The following MYCBP2 variants were observed in gnomAD, a reference collection of about 807,000 sequenced individuals.
MYCBP2 encodes MYC binding protein 2, also known as E3 ubiquitin-protein ligase MYCBP2.
Under a neutral mutation model 525.3 loss-of-function variants are expected in MYCBP2, and 120 were observed. The ratio of observed to expected loss-of-function variants is 0.23; its 90% CI spans 0.20 to 0.27. MYCBP2 has a LOEUF of 0.27. Among genes scored for constraint, MYCBP2 ranks in the 10% least tolerant of loss-of-function variants. MYCBP2 has a pLI of 1.00. For synonymous variants in MYCBP2, 1,894 were observed against 1,955.8 expected, an observed-to-expected ratio of 0.97 and a Z score of 0.83; for missense variants, 4,149 against 5,657.1, an observed-to-expected ratio of 0.73 and a Z score of 8.55.
chr13:77,081,748 G>T lies in MYCBP2; in HGVS notation c.11193+89C>A. The T allele has an allele frequency of 6.5e-7, 1 of 1,529,068 alleles. No individual in the cohort carries two copies. The highest frequency in any genetic ancestry group is 8.8e-7 in the Non-Finnish European group (1 of 1,132,512). 94.7% of individuals were successfully genotyped at this position (1,529,068 alleles called of 1,614,324 possible). A position where few individuals can be genotyped will look rare whatever the true frequency, so the allele number is the denominator to read the frequency against. On this transcript the variant is annotated intron_variant, in intron 64 of 82. Transcript: ENST00000544440. This position sits in a 1 kb window ranked among gnomAD's most constrained non-coding sequence, Gnocchi z 4.6. ...TAAGATAAAACATAATGGAAGACAG[G>T]ATCAAATTGATTATGAATAACTTAC...
chr13:77,144,324 A>T (rs2055174768), intron 49 of MYCBP2, 121 bp downstream of exon 49: 3 of 674,618 alleles, frequency 4.4e-6, no homozygotes, highest in South Asian at 1.8e-5. Flanking sequence ...CAAGGCCTCA[A>T]ATAAGTTATG....
intron 1 of MYCBP2, among the ~76,000 whole-genome samples, chr13:77,322,329 T>C (rs1207390763): frequency 6.6e-6 from 1 of 152,156 alleles, no homozygotes; most frequent in Non-Finnish European, 1.5e-5. Context: ...CCTCTATTGT[T>C]TTCACTAACA....
At chr13:77,176,986 C>A (rs2059766199) in intron 35 of MYCBP2, among the ~76,000 whole-genome samples, 1 of 152,130 alleles carries the variant, frequency 6.6e-6, no homozygotes, top group East Asian at 1.9e-4. Flanking sequence ...TTACATGCTA[C>A]CCCATCTGTC....
chr13:77,051,246 T>C, intron 81 of MYCBP2, 84 bp from the exon 82 acceptor site: 1 of 1,218,132 alleles, frequency 8.2e-7, no homozygotes, highest in Non-Finnish European at 1.1e-6. Context: ...CATAGACAGC[T>C]CCTTAATTCA....
chr13:77,292,837 A>G (rs1409235329), intron 2 of MYCBP2, among the ~76,000 whole-genome samples: 2 of 151,950 alleles, frequency 1.3e-5, no homozygotes, highest in African/African-American at 4.8e-5. Context: ...TGGTGCCTGT[A>G]ATCCCAGCTA....
intron 36 of MYCBP2, among the ~76,000 whole-genome samples, chr13:77,175,996 C>A (rs1595145740): frequency 2.2e-5 from 3 of 137,206 alleles, no homozygotes; most frequent in Non-Finnish European, 3.1e-5. Context: ...AATAAAGAAA[C>A]AAAACAAAAC....
intron 19 of MYCBP2, 26 bp from the exon 20 acceptor site, chr13:77,224,558 T>C (rs749459960): frequency 6.5e-6 from 9 of 1,390,820 alleles, no homozygotes; most frequent in Non-Finnish European, 9.1e-6. Flanking sequence ...ACAGCTTTAT[T>C]TTTTCATTAT....
chr13:77,069,684 G>A (rs1244207979), intron 69 of MYCBP2, among the ~76,000 whole-genome samples: 8 of 136,132 alleles, frequency 5.9e-5, no homozygotes, highest in South Asian at 2.3e-4. Flanking sequence ...GTGAAACCCC[G>A]TCTGTACTAA....
intron 17 of MYCBP2, among the ~76,000 whole-genome samples, chr13:77,242,582 T>C (rs149866153): frequency 8.5e-5 from 13 of 152,342 alleles, no homozygotes; most frequent in African/African-American, 2.2e-4. Flanking sequence ...AGCATAGTTA[T>C]GTGCTGAACT....
intron 51 of MYCBP2, 137 bp from the exon 52 acceptor site, chr13:77,139,473 T>G: frequency 2.3e-6 from 2 of 884,722 alleles, no homozygotes; most frequent in Admixed American, 2.6e-5. Flanking sequence ...AAAGTAAGTC[T>G]GAGAGACCCT....
At chr13:77,285,564 A>G (rs1230333792) in intron 3 of MYCBP2, among the ~76,000 whole-genome samples, 4 of 152,202 alleles carry the variant, frequency 2.6e-5, no homozygotes, top group Non-Finnish European at 4.4e-5. Flanking sequence ...AGGTGGGTAG[A>G]TCACCTGAGG....
intron 2 of MYCBP2, among the ~76,000 whole-genome samples, chr13:77,291,032 A>G (rs1336076020): frequency 6.6e-6 from 1 of 152,250 alleles, no homozygotes; most frequent in African/African-American, 2.4e-5. Context: ...AAATAAATGG[A>G]GACATATACC....
intron 55 of MYCBP2, among the ~76,000 whole-genome samples, chr13:77,104,781 C>T (rs556824440): frequency 7.2e-5 from 11 of 152,136 alleles, no homozygotes; most frequent in East Asian, 1.9e-4. Context: ...CAGCAGTTTC[C>T]GAGGATAGGG....
intron 2 of MYCBP2, 124 bp downstream of exon 2, chr13:77,296,475 C>A: frequency 9.5e-7 from 1 of 1,051,698 alleles, no homozygotes; most frequent in Non-Finnish European, 1.3e-6. Context: ...TCATAAAGGG[C>A]TTTTACAAAA....
At chr13:77,227,527 TCTTCCAA>T (rs2154297684) in intron 18 of MYCBP2, among the ~76,000 whole-genome samples, 1 of 148,874 alleles carries the variant, frequency 6.7e-6, no homozygotes, top group Non-Finnish European at 1.5e-5. Context: ...CAAATACATA[TCTTCCAA>T]AGGCTATTTA....
intron 77 of MYCBP2, 114 bp downstream of exon 77, chr13:77,059,409 A>G: frequency 1.3e-6 from 1 of 788,440 alleles, no homozygotes; most frequent in Admixed American, 1.9e-5. Flanking sequence ...CACATAGGTA[A>G]TACACTCATT....
At chr13:77,279,762 T>C (rs1039520122) in intron 3 of MYCBP2, among the ~76,000 whole-genome samples, 2 of 152,170 alleles carry the variant, frequency 1.3e-5, no homozygotes, top group Non-Finnish European at 2.9e-5. Flanking sequence ...CTTTAGGAAA[T>C]ATGAAGGTAT....
Position 77,066,035 on chromosome 13 carries a change from T to G in MYCBP2, c.12509A>C (p.Gln4170Pro). 2 of 1,613,310 alleles carry G rather than the reference T, an allele frequency of 1.2e-6. No individual in the cohort carries two copies. Among genetic ancestry groups the G allele is most frequent in the South Asian group, 2.2e-5 (2 of 90,946 alleles). The part of the protein sequence containing the change: ...HWWMKGSTPT[Q>P]ISEIIIKLIK... ...AAGTTTAATGATGATCTCTGAGATC[T>G]GGGTAGGGGTTGAGCCCTTCATCCA... The change falls in exon 72 of 83, where the codon CAG (glutamine) becomes CCG (proline). Residue 4170 changes from glutamine (Q) to proline (P), a missense_variant. Physicochemically the swap from Gln to Pro is moderately conservative, Grantham distance 76 (BLOSUM62 -1). Transcript: ENST00000544440.
chr13:77,154,062 G>C (rs943494718), intron 46 of MYCBP2, among the ~76,000 whole-genome samples: 5 of 152,140 alleles, frequency 3.3e-5, no homozygotes, highest in African/African-American at 1.2e-4. Flanking sequence ...AGCTATTACT[G>C]CATAAAGATT....
Sources: allele counts gnomAD v4.1 joint callset (sites outside exome capture counted in the v4.1 genomes callset), GRCh38; gene constraint gnomAD v4.1.1; non-coding constraint Gnocchi (gnomAD v3.1); transcripts MANE v1.5; gene names NCBI Gene and HGNC (gene_info 2026-07-23, HGNC 2026-07-21).